The following MAPRE2 variants were observed in gnomAD, a reference collection of about 807,000 sequenced individuals.
The protein encoded by MAPRE2 is microtubule-associated protein RP/EB family member 2.
MAPRE2 carries 13 observed loss-of-function variants against 43.2 expected under a neutral mutation model. The ratio of observed to expected loss-of-function variants is 0.30; its 90% CI spans 0.20 to 0.48. MAPRE2 has a LOEUF of 0.48. Ranked by LOEUF, MAPRE2 falls within the 20% of genes least tolerant of loss-of-function variation. The pLI is 0.99. For missense variants in MAPRE2, 161 were observed against 400.2 expected (o/e 0.40, Z 5.10); for synonymous variants, 135 against 148.8 (o/e 0.91, Z 0.68).
intron 4 of MAPRE2, among the ~76,000 whole-genome samples, chr18:35,123,164 T>C (rs1909764078): frequency 6.6e-6 from 1 of 152,238 alleles, no homozygotes; most frequent in Non-Finnish European, 1.5e-5. Context: ...GGGGTTTGGC[T>C]TGCCATGACC....
At chr18:35,134,468 C>T (rs1436533596) in intron 6 of MAPRE2, among the ~76,000 whole-genome samples, 1 of 152,198 alleles carries the variant, frequency 6.6e-6, no homozygotes, top group Non-Finnish European at 1.5e-5. Context: ...AAATTACTAA[C>T]CCAATGGCTC....
chr18:34,980,001 CTTTTCTTTTCT>C (rs2097015220), intron 1 of MAPRE2, among the ~76,000 whole-genome samples: 1 of 139,400 alleles, frequency 7.2e-6, no homozygotes, highest in African/African-American at 2.8e-5. Flanking sequence ...TCCTCAATTT[CTTTTCTTTTCT>C]TTTTCTTTTT....
chr18:35,043,513 A>T (rs1399357885), intron 1 of MAPRE2, among the ~76,000 whole-genome samples: 3 of 152,188 alleles, frequency 2.0e-5, no homozygotes, highest in Non-Finnish European at 4.4e-5. Flanking sequence ...ATGAAATTTT[A>T]TTTACCTCTT....
chr18:35,067,750 G>GTA (rs1603397095), intron 1 of MAPRE2, among the ~76,000 whole-genome samples: 1 of 152,178 alleles, frequency 6.6e-6, no homozygotes, highest in East Asian at 1.9e-4. Context: ...AGTTATGCCA[G>GTA]TATATGATCA....
In MAPRE2 at chr18:35,142,173, T is replaced by C. The variant is rs564986953; in HGVS notation, c.*1804T>C. On this transcript the variant is annotated 3_prime_UTR_variant, in exon 7 of 7. Transcript: ENST00000300249. ...TCCTCCCACACCTGGTCACAAGTAGTAGTGGCTGTGCTATACCCAGCATCA... is the reference window on the plus strand; with the variant it reads ...TCCTCCCACACCTGGTCACAAGTAGCAGTGGCTGTGCTATACCCAGCATCA... The C allele has an allele frequency of 6.6e-6, 1 of 152,368 alleles. No individual in the cohort carries two copies. Among genetic ancestry groups the C allele is most frequent in the South Asian group, 2.1e-4 (1 of 4,826 alleles). 9.4% of individuals were successfully genotyped at this position (152,368 alleles called of 1,614,324 possible).
rs34194364 is a variant in MAPRE2, at chr18:35,055,537, C to CTGTGTGTGTGTGTGTGTGTG, written c.122+13884_122+13903dup. Among the ~76,000 whole-genome samples the CTGTGTGTGTGTGTGTGTGTG allele has an allele frequency of 3.5e-3, 514 of 146,678 alleles. 1 individual carries two copies. The highest frequency in any genetic ancestry group is 0.011 in the African/African-American group (432 of 38,924). The stretch of plus-strand genomic sequence containing the variant: ...TCTTGCAGGGACACTATTCAGTTCT[C>CTGTGTGTGTGTGTGTGTGTG]TGTGTGTGTGTGTGTGTGTGTGTGT... On this transcript the variant is annotated intron_variant, in intron 1 of 6. Transcript: ENST00000300249.
chr18:35,062,876 CGTT>C (rs1437234424), intron 1 of MAPRE2, among the ~76,000 whole-genome samples: 3 of 152,144 alleles, frequency 2.0e-5, no homozygotes, highest in Admixed American at 6.5e-5. Flanking sequence ...CTAGTCTGCT[CGTT>C]GTTTCATTTA....
chr18:35,008,563 A>T (rs1022662228), intron 2 of MAPRE2, among the ~76,000 whole-genome samples: 1 of 152,212 alleles, frequency 6.6e-6, no homozygotes, highest in Non-Finnish European at 1.5e-5. Flanking sequence ...GGTCATCAGA[A>T]CTATTATTGG....
At chr18:35,065,354 C>T (rs1050206238) in intron 1 of MAPRE2, among the ~76,000 whole-genome samples, 1 of 151,028 alleles carries the variant, frequency 6.6e-6, no homozygotes, top group African/African-American at 2.4e-5. Flanking sequence ...TTCTAATATT[C>T]ATGTAAAAAG....
chr18:35,108,968 TTTAGTTTAA>T (rs2144196546), intron 4 of MAPRE2, among the ~76,000 whole-genome samples: 1 of 152,334 alleles, frequency 6.6e-6, no homozygotes, highest in Non-Finnish European at 1.5e-5. Flanking sequence ...GCAGAAGCTG[TTTAGTTTAA>T]TTAGATCCCT....
Position 35,060,983 on chromosome 18 carries a change from G to A in MAPRE2, c.123-9212G>A, listed in dbSNP as rs542654981. 7.9e-5 allele frequency among the ~76,000 whole-genome samples: 12 copies of A among 152,206 alleles called. No homozygotes were observed. The South Asian group carries it at 8.3e-4, about 11-fold the overall frequency. ...TATGGCAAGAAAGAGCTTAATCTCC[G>A]TGTTTTGAAAAATAATCATTAATGG... On this transcript the variant is annotated intron_variant, in intron 1 of 6. Transcript: ENST00000300249.
chr18:35,071,956 T>A (rs1568992462), intron 2 of MAPRE2, among the ~76,000 whole-genome samples: 1 of 152,214 alleles, frequency 6.6e-6, no homozygotes, highest in South Asian at 2.1e-4. Context: ...TAACCACTCC[T>A]TTGCCCTTCA....
intron 3 of MAPRE2, 78 bp from the exon 4 acceptor site, chr18:35,101,868 T>G: frequency 6.7e-6 from 7 of 1,051,882 alleles, no homozygotes; most frequent in Non-Finnish European, 9.8e-6. Flanking sequence ...GATATCTTTT[T>G]GAGATACTGA....
In MAPRE2 at chr18:34,985,294, A is replaced by T. The variant is rs1429024970; in HGVS notation, c.-70+8215A>T. Reference sequence around the variant, plus strand: ...TATAATATAATATATTATATATTATATTATATATTGTATATATTATATTAT... The same window carrying T: ...TATAATATAATATATTATATATTATTTTATATATTGTATATATTATATTAT... On this transcript the variant is annotated intron_variant, in intron 1 of 7. Transcript: ENST00000413393. Among the ~76,000 whole-genome samples the T allele has an allele frequency of 1.5e-3, 71 of 47,230 alleles. 4 individuals are homozygous for T. Among genetic ancestry groups the T allele is most frequent in the Non-Finnish European group, 2.3e-3 (66 of 28,730 alleles). 31.0% of individuals were successfully genotyped at this position (47,230 alleles called of 152,430 possible). A position where few individuals can be genotyped will look rare whatever the true frequency, so the allele number is the denominator to read the frequency against.
At chr18:35,119,725 G>A (rs2144221640) in intron 4 of MAPRE2, among the ~76,000 whole-genome samples, 1 of 152,314 alleles carries the variant, frequency 6.6e-6, no homozygotes, top group Non-Finnish European at 1.5e-5. Flanking sequence ...TTGAAGCTGA[G>A]CATATTTACA....
chr18:35,119,964 A>G (rs1359948420), intron 4 of MAPRE2, among the ~76,000 whole-genome samples: 1 of 152,230 alleles, frequency 6.6e-6, no homozygotes, highest in African/African-American at 2.4e-5. Context: ...TATTGAGCAC[A>G]TGCTGTGTGC....
intron 1 of MAPRE2, among the ~76,000 whole-genome samples, chr18:34,980,730 A>G (rs1272789602): frequency 6.6e-6 from 1 of 152,198 alleles, no homozygotes; most frequent in Non-Finnish European, 1.5e-5. Flanking sequence ...TTGTTATCAC[A>G]TTTAACCACA....
chr18:34,986,790 C>A (rs2097021233), intron 1 of MAPRE2, among the ~76,000 whole-genome samples: 1 of 152,136 alleles, frequency 6.6e-6, no homozygotes, highest in Non-Finnish European at 1.5e-5. Context: ...AGGTAAAATG[C>A]AGGATAACCA....
chr18:35,137,086 T>C (rs2144260058), intron 6 of MAPRE2, among the ~76,000 whole-genome samples: 1 of 152,300 alleles, frequency 6.6e-6, no homozygotes, highest in East Asian at 1.9e-4. Context: ...GAGCTCTCAG[T>C]TGTGATTTGT....
Sources: allele counts gnomAD v4.1 joint callset (sites outside exome capture counted in the v4.1 genomes callset), GRCh38; gene constraint gnomAD v4.1.1; transcripts MANE v1.5; gene names NCBI Gene and HGNC (gene_info 2026-07-23, HGNC 2026-07-21).